Variants in MAST4 observed in about 807,000 individuals in gnomAD.
The protein encoded by MAST4 is microtubule-associated serine/threonine-protein kinase 4.
In MAST4, 89 loss-of-function variants were observed where a neutral mutation model predicts 162.7. The ratio of observed to expected loss-of-function variants is 0.55; its 90% CI spans 0.46 to 0.65. The LOEUF (loss-of-function observed/expected upper bound fraction) is 0.65. Ranked by LOEUF, MAST4 falls within the 30% of genes least tolerant of loss-of-function variation. The probability of loss-of-function intolerance (pLI) is 0.00; values close to 1 mark genes in which losing one functional copy is unlikely to be tolerated. For synonymous variants in MAST4, 1,479 were observed against 1,361.1 expected (o/e 1.09, Z -1.91); for missense variants, 3,153 against 3,374.0 (o/e 0.93, Z 1.62).
intron 4 of MAST4, among the ~76,000 whole-genome samples, chr5:66,984,749 T>C (rs73103937): frequency 0.23 from 33,754 of 146,768 alleles, 4,153 homozygotes; most frequent in Non-Finnish European, 0.27. Flanking sequence ...AAGGGATGAG[T>C]TGGAGGATGG....
intron 4 of MAST4, among the ~76,000 whole-genome samples, chr5:66,904,832 T>A (rs1314509106): frequency 6.7e-6 from 1 of 150,304 alleles, no homozygotes; most frequent in Non-Finnish European, 1.5e-5. Context: ...GTATATTGCA[T>A]GACACTAAGG....
chr5:67,095,732 A>T lies in MAST4; in HGVS notation c.912+57A>T. On this transcript the variant is annotated intron_variant, in intron 7 of 28. Transcript: ENST00000403625. ...TTCCTCACAACAACAGAGCTATTAC[A>T]CAGGCAGTGTTTTCTCTGGGTGTTT... The T allele has an allele frequency of 5.4e-6, 7 of 1,298,762 alleles. No homozygotes were observed. The Admixed American group carries it at 1.3e-4, about 23-fold the overall frequency. The allele number at this position is 1,298,762 out of a possible 1,614,324, so 80.5% of individuals were successfully genotyped here.
Position 66,899,956 on chromosome 5 carries a change from G to A in MAST4, c.648G>A (p.Glu216=). 1 of 1,520,762 alleles carries A rather than the reference G, an allele frequency of 6.6e-7. No individual in the cohort carries two copies. The highest frequency in any genetic ancestry group is 8.8e-7 in the Non-Finnish European group (1 of 1,135,768). 94.2% of individuals were successfully genotyped at this position (1,520,762 alleles called of 1,614,324 possible). A position where few individuals can be genotyped will look rare whatever the true frequency, so the allele number is the denominator to read the frequency against. The change falls in exon 4 of 29, where the codon GAG becomes GAA. Residue 216 remains glutamate, a synonymous_variant. Coordinates refer to ENST00000403625, the MANE Select transcript of MAST4 (RefSeq NM_001164664.2). Reference sequence around the variant, plus strand: ...GGTTTTTTTTTCTTTTGCAGAAGGAGCTGAGTCTCCCCAGAAGAGGAAGTT... The same window carrying A: ...GGTTTTTTTTTCTTTTGCAGAAGGAACTGAGTCTCCCCAGAAGAGGAAGTT... ...SAPSLTASLK[E]LSLPRRGSFC...
intron 14 of MAST4, among the ~76,000 whole-genome samples, chr5:67,125,649 T>C (rs1269038562): frequency 1.3e-5 from 2 of 152,200 alleles, no homozygotes; most frequent in Non-Finnish European, 2.9e-5. Flanking sequence ...ATCCAGTCTA[T>C]CATTGATGGG....
At chr5:66,662,395 T>C (rs573088883) in intron 1 of MAST4, 1 of 152,354 alleles carries the variant, frequency 6.6e-6, no homozygotes, top group African/African-American at 2.4e-5. Flanking sequence ...CTTTAGAGTC[T>C]GTCAAATCAT....
At position 66,596,840 on chromosome 5, in the gene MAST4, A is replaced by AGCCGCCGCC; in HGVS notation, c.196_204dup (p.Pro66_Pro68dup). On this transcript the variant is annotated inframe_insertion, in exon 1 of 29. Coordinates refer to ENST00000403625, the MANE Select transcript of MAST4 (RefSeq NM_001164664.2). Reference sequence around the variant, plus strand: ...CCCGGCGGCTTCTCCAGAGAGCATCAGCCGCCGCCGCCGCCGCCGTTGGGA... The same window carrying AGCCGCCGCC: ...CCCGGCGGCTTCTCCAGAGAGCATCAGCCGCCGCCGCCGCCGCCGCCGCCGCCGTTGGGA... 1 of 1,242,996 alleles carries AGCCGCCGCC rather than the reference A, an allele frequency of 8.0e-7. No individual in the cohort carries two copies. The highest frequency in any genetic ancestry group is 2.7e-5 in the South Asian group (1 of 36,406). 77.0% of individuals were successfully genotyped at this position (1,242,996 alleles called of 1,614,324 possible). A position where few individuals can be genotyped will look rare whatever the true frequency, so the allele number is the denominator to read the frequency against.
chr5:67,039,288 T>G (rs1384786808), intron 4 of MAST4, among the ~76,000 whole-genome samples: 6 of 152,232 alleles, frequency 3.9e-5, no homozygotes, highest in African/African-American at 9.6e-5. Context: ...GGGTGAATTA[T>G]TCACAATCCC....
intron 5 of MAST4, among the ~76,000 whole-genome samples, chr5:67,063,649 T>C (rs866451211): frequency 5.3e-5 from 8 of 151,736 alleles, no homozygotes; most frequent in Non-Finnish European, 7.4e-5. Context: ...TGTAAGAACA[T>C]GGGTCATCCT....
At chr5:66,980,246 A>G (rs766059230) in intron 4 of MAST4, among the ~76,000 whole-genome samples, 3 of 152,222 alleles carry the variant, frequency 2.0e-5, no homozygotes, top group Non-Finnish European at 4.4e-5. Context: ...TGCAGCCACA[A>G]TGCTAGATGC....
intron 1 of MAST4, among the ~76,000 whole-genome samples, chr5:66,675,910 A>G (rs1580167971): frequency 6.6e-6 from 1 of 152,254 alleles, no homozygotes; most frequent in Non-Finnish European, 1.5e-5. Flanking sequence ...ATGGAAGTAT[A>G]TGAGTCAAAA....
chr5:66,955,234 A>G (rs1745166840), intron 4 of MAST4, among the ~76,000 whole-genome samples: 1 of 151,564 alleles, frequency 6.6e-6, no homozygotes, highest in Non-Finnish European at 1.5e-5. Flanking sequence ...AAAAAGAAAC[A>G]CTAGATGAGG....
intron 12 of MAST4, among the ~76,000 whole-genome samples, chr5:67,115,684 C>T (rs1465139157): frequency 6.6e-6 from 1 of 152,108 alleles, no homozygotes; most frequent in Non-Finnish European, 1.5e-5. Flanking sequence ...ATAAAAAGGG[C>T]AGATGTTTAA....
intron 24 of MAST4, 79 bp from the exon 25 acceptor site, chr5:67,152,558 A>G (rs1373471009): frequency 4.4e-6 from 5 of 1,144,108 alleles, no homozygotes; most frequent in Non-Finnish European, 6.5e-6. Flanking sequence ...AGTCCTGGCA[A>G]GGCTCATGGG....
chr5:67,063,160 C>CTTT (rs112267391), intron 5 of MAST4, among the ~76,000 whole-genome samples: 1 of 146,332 alleles, frequency 6.8e-6, no homozygotes, highest in African/African-American at 2.5e-5. Flanking sequence ...GCTGTACTCA[C>CTTT]TTTTTTTTTT....
chr5:66,979,477 T>C (rs1346949338), intron 4 of MAST4, among the ~76,000 whole-genome samples: 2 of 152,210 alleles, frequency 1.3e-5, no homozygotes, highest in African/African-American at 4.8e-5. Context: ...CCTGGTGTTC[T>C]GCTTTGGAGA....
intron 3 of MAST4, among the ~76,000 whole-genome samples, chr5:66,889,255 C>A (rs958597135): frequency 1.3e-5 from 2 of 152,158 alleles, no homozygotes; most frequent in Non-Finnish European, 2.9e-5. Flanking sequence ...TTTATCTAAG[C>A]TCACTGTAGG....
intron 4 of MAST4, among the ~76,000 whole-genome samples, chr5:67,049,023 G>GTATATATATATACACA (rs1554087410): frequency 2.3e-5 from 2 of 85,666 alleles, no homozygotes; most frequent in African/African-American, 4.8e-5. Context: ...ATATATATAC[G>GTATATATATATACACA]TATATATATA....
chr5:66,680,854 G>A (rs573814528), intron 1 of MAST4, among the ~76,000 whole-genome samples: 1 of 152,332 alleles, frequency 6.6e-6, no homozygotes, highest in South Asian at 2.1e-4. Context: ...TCCAGAGGAG[G>A]AGTCACCTTG....
chr5:66,604,094 C>T (rs933968997), intron 1 of MAST4, among the ~76,000 whole-genome samples: 2 of 152,232 alleles, frequency 1.3e-5, no homozygotes, highest in African/African-American at 4.8e-5. Context: ...GGAGAGAAAG[C>T]CATGCCCTAA....
Sources: gnomAD v4.1 joint callset for allele counts (sites outside exome capture counted in the v4.1 genomes callset) on GRCh38, gnomAD v4.1.1 for gene constraint, MANE v1.5 for transcripts, NCBI Gene and HGNC (gene_info 2026-07-23, HGNC 2026-07-21) for gene names.